The following DUSP16 variants were observed in gnomAD, a reference collection of about 807,000 sequenced individuals.
The protein encoded by DUSP16 is dual specificity protein phosphatase 16.
In DUSP16, 21 loss-of-function variants were observed where a neutral mutation model predicts 58.3. The ratio of observed to expected loss-of-function variants is 0.36; its 90% CI spans 0.26 to 0.52. The LOEUF is 0.52. Among genes scored for constraint, DUSP16 ranks in the 20% least tolerant of loss-of-function variants. The probability of loss-of-function intolerance (pLI) is 0.94; values close to 1 mark genes in which losing one functional copy is unlikely to be tolerated. For missense variants in DUSP16, 726 were observed against 819.0 expected (o/e 0.89, Z 1.39); for synonymous variants, 320 against 323.8 (o/e 0.99, Z 0.12).
intron 3 of DUSP16, among the ~76,000 whole-genome samples, chr12:12,511,538 A>G (rs1318485068): frequency 6.6e-6 from 1 of 151,826 alleles, no homozygotes; most frequent in Non-Finnish European, 1.5e-5. Flanking sequence ...AACCCTCCCT[A>G]CCCAAATCTT....
chr12:12,477,044 G>A lies in DUSP16; in HGVS notation c.1787C>T (p.Ser596Phe). 1 of 1,614,260 alleles carries A rather than the reference G, an allele frequency of 6.2e-7. No individual in the cohort carries two copies. The highest frequency in any genetic ancestry group is 1.1e-5 in the South Asian group (1 of 91,086). ...QLPTCGDQVY[S>F]VRRRQKPSDR... ...ACTTGGCTTCTGCCGCCTGCGCACA[G>A]AATAGACTTGGTCTCCGCAAGTGGG... The change falls in exon 7 of 7, where the codon TCT becomes TTT. Residue 596 changes from serine to phenylalanine, a missense_variant. Ser to Phe is a radical substitution (Grantham distance 155, BLOSUM62 -2). Coordinates refer to ENST00000298573, the MANE Select transcript of DUSP16 (RefSeq NM_030640.3). This position sits in a 1 kb window ranked among gnomAD's most constrained non-coding sequence, Gnocchi z 4.1.
intron 3 of DUSP16, among the ~76,000 whole-genome samples, chr12:12,512,975 G>A (rs1017877770): frequency 4.6e-5 from 7 of 152,132 alleles, no homozygotes; most frequent in Non-Finnish European, 7.4e-5. Flanking sequence ...ATACCTCCAT[G>A]AGGAAGGACA....
chr12:12,494,926 A>C (rs1943808419), intron 4 of DUSP16, among the ~76,000 whole-genome samples: 1 of 152,176 alleles, frequency 6.6e-6, no homozygotes, highest in Non-Finnish European at 1.5e-5. Flanking sequence ...GTTAGTGTGG[A>C]ATCTCAGTGT....
intron 3 of DUSP16, among the ~76,000 whole-genome samples, chr12:12,515,118 A>G (rs892336799): frequency 1.3e-5 from 2 of 152,254 alleles, no homozygotes; most frequent in East Asian, 3.9e-4. Context: ...ATATTTTCCT[A>G]TAATTCTAAT....
Position 12,500,531 on chromosome 12 carries a change from A to T in DUSP16, c.519T>A (p.Asp173Glu). ...TCAAAGCACCCACCTTGTTGAGGAC[A>T]TCTCGCTGGCAGCCAAGATAAAGAT... ...LPNLYLGCQR[D>E]VLNKELMQQN... The change falls in exon 4 of 7, where the codon GAT (aspartate) becomes GAA (glutamate). Residue 173 changes from aspartate to glutamate, a missense_variant. Coordinates refer to ENST00000298573, the MANE Select transcript of DUSP16 (RefSeq NM_030640.3). The T allele has an allele frequency of 6.2e-7, 1 of 1,609,482 alleles. No individual in the cohort carries two copies. The highest frequency in any genetic ancestry group is 1.1e-5 in the South Asian group (1 of 90,026).
rs536186613 is a variant in DUSP16, at chr12:12,489,973, C to G, written c.532-2786G>C. On this transcript the variant is annotated intron_variant, in intron 4 of 6. Coordinates refer to ENST00000298573, the MANE Select transcript of DUSP16 (RefSeq NM_030640.3). ...GACTGTCTCATTTAATTCTCACAACCACCCTTTGATGTGGGTTCAATTATT... is the reference window on the plus strand; with the variant it reads ...GACTGTCTCATTTAATTCTCACAACGACCCTTTGATGTGGGTTCAATTATT... Among the ~76,000 whole-genome samples the G allele has an allele frequency of 5.3e-5, 8 of 152,330 alleles. No individual in the cohort carries two copies. The South Asian group carries it at 1.7e-3, about 32-fold the overall frequency.
chr12:12,522,129 G>A (rs900723428), intron 1 of DUSP16, among the ~76,000 whole-genome samples: 1 of 152,208 alleles, frequency 6.6e-6, no homozygotes, highest in African/African-American at 2.4e-5. Context: ...TGTCACAGCA[G>A]CTGCTGAGCT....
At chr12:12,496,269 C>T (rs966857462) in intron 4 of DUSP16, among the ~76,000 whole-genome samples, 14 of 152,292 alleles carry the variant, frequency 9.2e-5, no homozygotes, top group African/African-American at 2.2e-4. Flanking sequence ...AATTTTGACA[C>T]GCTTTTGTGT....
Position 12,504,823 on chromosome 12 carries a change from G to A in DUSP16, c.368-4141C>T, listed in dbSNP as rs535503673. 5.3e-5 allele frequency among the ~76,000 whole-genome samples: 8 copies of A among 152,150 alleles called. No homozygotes were observed. The South Asian group carries it at 1.5e-3, about 28-fold the overall frequency. On this transcript the variant is annotated intron_variant, in intron 3 of 6. Coordinates refer to ENST00000298573, the MANE Select transcript of DUSP16 (RefSeq NM_030640.3). ...GCCCAGGAGGTTGATGATGCAGTGA[G>A]CTGTGATCGCACCACTGCACTCCAG...
intron 1 of DUSP16, among the ~76,000 whole-genome samples, chr12:12,540,707 C>T (rs191995034): frequency 3.3e-5 from 5 of 152,210 alleles, no homozygotes; most frequent in East Asian, 1.9e-4. Context: ...TTATTCTGGA[C>T]GCTCTCCTAC....
chr12:12,521,749 G>A (rs1303866781), intron 1 of DUSP16, among the ~76,000 whole-genome samples: 1 of 152,172 alleles, frequency 6.6e-6, no homozygotes, highest in Non-Finnish European at 1.5e-5. Flanking sequence ...TAAATGACCT[G>A]TAGTATTGAA....
intron 4 of DUSP16, among the ~76,000 whole-genome samples, chr12:12,487,823 A>G (rs758050296): frequency 4.7e-4 from 71 of 152,218 alleles, no homozygotes; most frequent in Non-Finnish European, 7.9e-4. Flanking sequence ...TGTAATCCCC[A>G]AATTGGTTTA....
At chr12:12,497,787 T>C (rs982660531) in intron 4 of DUSP16, among the ~76,000 whole-genome samples, 1 of 151,606 alleles carries the variant, frequency 6.6e-6, no homozygotes, top group Non-Finnish European at 1.5e-5. Flanking sequence ...CTGGCAAACA[T>C]GGTGAAACCC....
intron 1 of DUSP16, among the ~76,000 whole-genome samples, chr12:12,559,324 A>C (rs778677667): frequency 6.6e-6 from 1 of 152,242 alleles, no homozygotes; most frequent in Non-Finnish European, 1.5e-5. Flanking sequence ...AGCACCAACT[A>C]TGGTTTTTCC....
intron 3 of DUSP16, among the ~76,000 whole-genome samples, chr12:12,509,609 G>A (rs1944047033): frequency 2.0e-5 from 3 of 152,132 alleles, no homozygotes; most frequent in South Asian, 4.1e-4. Flanking sequence ...AAATAACTGT[G>A]TATGTGTTGT....
chr12:12,496,908 T>C (rs190118403), intron 4 of DUSP16, among the ~76,000 whole-genome samples: 2 of 152,346 alleles, frequency 1.3e-5, no homozygotes, highest in East Asian at 1.9e-4. Flanking sequence ...TGACCTCTTA[T>C]GGTCTTCTAC....
intron 2 of DUSP16, 50 bp downstream of exon 2, chr12:12,520,821 T>G: frequency 6.3e-7 from 1 of 1,586,878 alleles, no homozygotes; most frequent in South Asian, 1.1e-5. Context: ...AAATTATTCC[T>G]CATTCAGTGT....
At chr12:12,504,000 TA>T (rs1396308547) in intron 3 of DUSP16, among the ~76,000 whole-genome samples, 9 of 152,354 alleles carry the variant, frequency 5.9e-5, no homozygotes, top group Admixed American at 2.0e-4. Context: ...AATATTGGTA[TA>T]TAAGTGCCCA....
At chr12:12,483,981 TAAA>T (rs1320471058) in intron 5 of DUSP16, among the ~76,000 whole-genome samples, 1 of 151,456 alleles carries the variant, frequency 6.6e-6, no homozygotes, top group Non-Finnish European at 1.5e-5. Context: ...TAAATAAAAA[TAAA>T]AAAATTTAAA....
Sources: gnomAD v4.1 joint callset for allele counts (sites outside exome capture counted in the v4.1 genomes callset) on GRCh38, gnomAD v4.1.1 for gene constraint, Gnocchi (gnomAD v3.1) non-coding constraint, MANE v1.5 for transcripts, NCBI Gene and HGNC (gene_info 2026-07-23, HGNC 2026-07-21) for gene names.